GPR161: variants seen among roughly 807,000 people sequenced by gnomAD.
GPR161 encodes the protein G-protein coupled receptor RE2.
Under a neutral mutation model 39.2 loss-of-function variants are expected in GPR161, and 25 were observed. The observed-to-expected ratio is 0.64, with a 90% CI of 0.47 to 0.89. GPR161 has a LOEUF of 0.89. Ranked by LOEUF, GPR161 falls within the 40% of genes least tolerant of loss-of-function variation. The probability of loss-of-function intolerance (pLI) is 0.00; values close to 1 mark genes in which losing one functional copy is unlikely to be tolerated. For synonymous variants in GPR161, 286 were observed against 276.6 expected (o/e 1.03, Z -0.34); for missense variants, 547 against 677.8 (o/e 0.81, Z 2.14).
At chr1:168,136,387 G>A (rs745523184) in intron 1 of GPR161, 1 of 1,420,280 alleles carries the variant, frequency 7.0e-7, no homozygotes, top group South Asian at 1.5e-5. Flanking sequence ...ACGCACCTAC[G>A]CCCTCCCATC....
Position 168,080,222 on chromosome 1 carries a change from T to G in GPR161, c.*5309A>C, listed in dbSNP as rs1272544574. On this transcript the variant is annotated 3_prime_UTR_variant, in exon 6 of 6. Transcript: ENST00000682931. Reference sequence around the variant, plus strand: ...TTAATATCTCCCAAGATCCTTGGTTTATAATAGTTCTACATACCTAATAAA... The same window carrying G: ...TTAATATCTCCCAAGATCCTTGGTTGATAATAGTTCTACATACCTAATAAA... The G allele has an allele frequency of 1.3e-5, 2 of 152,214 alleles. No individual in the cohort carries two copies. Among genetic ancestry groups the G allele is most frequent in the Non-Finnish European group, 2.9e-5 (2 of 68,044 alleles). The allele number at this position is 152,214 out of a possible 1,614,324, so 9.4% of individuals were successfully genotyped here.
At chr1:168,087,960 G>T (rs925811221) in intron 4 of GPR161, 4 of 386,278 alleles carry the variant, frequency 1.0e-5, no homozygotes, top group Non-Finnish European at 1.9e-5. Flanking sequence ...GGGGTTATCT[G>T]CCTCAATGAC....
chr1:168,136,227 C>T, intron 1 of GPR161: 1 of 1,298,804 alleles, frequency 7.7e-7, no homozygotes, highest in South Asian at 2.2e-5. Flanking sequence ...AGACAGCGCC[C>T]TGAGTCCCGG....
At position 168,091,299 on chromosome 1, in the gene GPR161, G is replaced by A. The variant is rs182016191; in HGVS notation, c.1100-631C>T. ...CCAGACCCCAGTGTTGGTAGGAGAGGAGAGAGAGTGAGCCCCGGGCACAGC... is the reference window on the plus strand; with the variant it reads ...CCAGACCCCAGTGTTGGTAGGAGAGAAGAGAGAGTGAGCCCCGGGCACAGC... On this transcript the variant is annotated intron_variant, in intron 3 of 5. Transcript: ENST00000682931. Among the ~76,000 whole-genome samples the A allele has an allele frequency of 9.3e-3, 1,415 of 152,276 alleles. 26 individuals carry two copies. The highest frequency in any genetic ancestry group is 0.032 in the African/African-American group (1,318 of 41,550).
Position 168,104,672 on chromosome 1 carries a change from G to A in GPR161, c.179C>T (p.Thr60Ile). The A allele has an allele frequency of 6.2e-7, 1 of 1,613,820 alleles. No homozygotes were observed. The highest frequency in any genetic ancestry group is 1.1e-5 in the South Asian group (1 of 91,068). Reference protein sequence around the residue: ...VTLYKKSYLLTLSNKFVFSLT... With the variant: ...VTLYKKSYLLILSNKFVFSLT... ...GCTGAAGACGAACTTGTTGCTGAGGGTGAGGAGGTAGGACTTCTTGTACAA... is the reference window on the plus strand; with the variant it reads ...GCTGAAGACGAACTTGTTGCTGAGGATGAGGAGGTAGGACTTCTTGTACAA... Residue 60 changes from threonine (T) to isoleucine (I), a missense_variant, in exon 2 of 6, where the codon ACC becomes ATC. By Grantham distance (89) the Thr-to-Ile change is moderately conservative. Transcript: ENST00000682931.
chr1:168,100,120 A>G (rs1374301797), intron 2 of GPR161, among the ~76,000 whole-genome samples: 1 of 150,162 alleles, frequency 6.7e-6, no homozygotes, highest in Non-Finnish European at 1.5e-5. Context: ...TGGAAGAAGG[A>G]TCACTTGGGC....
intron 1 of GPR161, among the ~76,000 whole-genome samples, chr1:168,105,223 C>A (rs2102175029): frequency 6.6e-6 from 1 of 152,308 alleles, no homozygotes; most frequent in Non-Finnish European, 1.5e-5. Flanking sequence ...TTGAGCTCCA[C>A]CACTAGAGGT....
chr1:168,136,912 G>T lies in GPR161; in HGVS notation c.-218C>A. 8 of 977,440 alleles carry T rather than the reference G, an allele frequency of 8.2e-6. No individual in the cohort carries two copies. The highest frequency in any genetic ancestry group is 9.7e-6 in the Non-Finnish European group (8 of 827,272). The allele number at this position is 977,440 out of a possible 1,614,324, so 60.5% of individuals were successfully genotyped here. A position where few individuals can be genotyped will look rare whatever the true frequency, so the allele number is the denominator to read the frequency against. ...GGGCCAGCCACCAGCACGCGGACCC[G>T]GGCGGGCGCAGGCCAAGTAACTTTG... is the stretch of plus-strand genomic sequence containing the variant. On this transcript the variant is annotated 5_prime_UTR_variant, in exon 1 of 6. Coordinates refer to ENST00000682931, the MANE Select transcript of GPR161 (RefSeq NM_001375883.1).
At chr1:168,134,932 T>G in intron 1 of GPR161, 1 of 1,535,638 alleles carries the variant, frequency 6.5e-7, no homozygotes, top group Non-Finnish European at 8.7e-7. Context: ...TTAGGTCAGT[T>G]CCAGTTCAGC....
chr1:168,087,581 CA>C lies in GPR161; in HGVS notation c.1324+3del, dbSNP rs1197314950. On this transcript the variant is annotated splice_donor_region_variant and intron_variant, in intron 5 of 5. Coordinates refer to ENST00000682931, the MANE Select transcript of GPR161 (RefSeq NM_001375883.1). ...TCTTGAAGCAATCAGTCACAGAAGCCAACCTTTGATTTGTTCCACTTCATCC... is the reference window on the plus strand; with the variant it reads ...TCTTGAAGCAATCAGTCACAGAAGCCACCTTTGATTTGTTCCACTTCATCC... The C allele has an allele frequency of 1.2e-6, 2 of 1,614,104 alleles. No individual in the cohort carries two copies. Among genetic ancestry groups the C allele is most frequent in the Admixed American group, 1.7e-5 (1 of 60,016 alleles).
intron 1 of GPR161, among the ~76,000 whole-genome samples, chr1:168,108,494 A>AAAAAAAAAAAAC (rs1377303363): frequency 2.9e-5 from 4 of 140,188 alleles, no homozygotes; most frequent in African/African-American, 1.0e-4. Context: ...TGTAAAAAAA[A>AAAAAAAAAAAAC]AAAAAAAAAA....
intron 1 of GPR161, among the ~76,000 whole-genome samples, chr1:168,117,579 C>T (rs974722617): frequency 2.0e-5 from 3 of 152,070 alleles, no homozygotes; most frequent in Non-Finnish European, 4.4e-5. Context: ...TGGTAGGAGT[C>T]AATGAATTAA....
At chr1:168,123,861 C>T (rs938447768) in intron 1 of GPR161, among the ~76,000 whole-genome samples, 3 of 152,208 alleles carry the variant, frequency 2.0e-5, no homozygotes, top group African/African-American at 2.4e-5. Flanking sequence ...GTCTGTTTGA[C>T]GCTGAAGCAG....
At chr1:168,095,813 A>G (rs912887547) in intron 3 of GPR161, among the ~76,000 whole-genome samples, 2 of 152,114 alleles carry the variant, frequency 1.3e-5, no homozygotes, top group Non-Finnish European at 2.9e-5. Flanking sequence ...GCCTGGTCCA[A>G]TGCTTGGATT....
chr1:168,107,436 G>A (rs1696711869), intron 1 of GPR161, among the ~76,000 whole-genome samples: 3 of 152,146 alleles, frequency 2.0e-5, no homozygotes, highest in Admixed American at 2.0e-4. Context: ...TCACGCAGTG[G>A]GACTGGTGGA....
chr1:168,109,690 G>A (rs1696938433), intron 1 of GPR161, among the ~76,000 whole-genome samples: 1 of 152,210 alleles, frequency 6.6e-6, no homozygotes. Flanking sequence ...ATTCCGGCCA[G>A]GTGCAGTGGC....
intron 1 of GPR161, chr1:168,135,105 C>T (rs1699266960): frequency 1.4e-6 from 2 of 1,444,570 alleles, no homozygotes; most frequent in African/African-American, 2.8e-5. Context: ...TCAAGCGGGC[C>T]TCTTAATGAG....
chr1:168,116,629 G>A (rs1697656752), intron 1 of GPR161, among the ~76,000 whole-genome samples: 1 of 152,220 alleles, frequency 6.6e-6, no homozygotes. Context: ...CCACACCTAT[G>A]TGTAAACAGC....
At chr1:168,113,156 T>C (rs1041169171) in intron 1 of GPR161, among the ~76,000 whole-genome samples, 4 of 152,168 alleles carry the variant, frequency 2.6e-5, no homozygotes, top group African/African-American at 9.7e-5. Flanking sequence ...CCAGGGCCCA[T>C]TGAATGGAAA....
Sources: allele counts gnomAD v4.1 joint callset (sites outside exome capture counted in the v4.1 genomes callset), GRCh38; gene constraint gnomAD v4.1.1; transcripts MANE v1.5; gene names NCBI Gene and HGNC (gene_info 2026-07-23, HGNC 2026-07-21).